The following PXDNL variants were observed in gnomAD, a reference collection of about 807,000 sequenced individuals.
The protein encoded by PXDNL is peroxidasin like, also known as probable oxidoreductase PXDNL.
In PXDNL, 145 loss-of-function variants were observed where a neutral mutation model predicts 150.8. The ratio of observed to expected loss-of-function variants is 0.96; its 90% CI spans 0.84 to 1.10. The LOEUF (loss-of-function observed/expected upper bound fraction) is 1.10, where lower values mean the gene tolerates loss of function less well. Among genes scored for constraint, PXDNL ranks in the 50% least tolerant of loss-of-function variants. The pLI is 0.00. For missense variants in PXDNL, 2,087 were observed against 1,873.9 expected, an observed-to-expected ratio of 1.11 and a Z score of -2.10; for synonymous variants, 757 against 725.7, an observed-to-expected ratio of 1.04 and a Z score of -0.69.
chr8:51,581,215 T>TA (rs1312366670), intron 3 of PXDNL, among the ~76,000 whole-genome samples: 1 of 152,038 alleles, frequency 6.6e-6, no homozygotes, highest in East Asian at 1.9e-4. Context: ...GACCTTGTAT[T>TA]ACCAAACAGC....
At chr8:51,488,741 G>A (rs938125773) in intron 5 of PXDNL, among the ~76,000 whole-genome samples, 2 of 152,142 alleles carry the variant, frequency 1.3e-5, no homozygotes, top group Admixed American at 1.3e-4. Flanking sequence ...CAATTGAAAT[G>A]CTATTAATTT....
chr8:51,523,911 G>A lies in PXDNL; in HGVS notation c.381-24141C>T, dbSNP rs756688615. On this transcript the variant is annotated intron_variant, in intron 4 of 22. Coordinates refer to ENST00000356297, the MANE Select transcript of PXDNL (RefSeq NM_144651.5). ...TCTTTCAGAGATGAAATCAGGGCTGGAAAAGGAAAATCTCCATGATGTTTA... is the reference window on the plus strand; with the variant it reads ...TCTTTCAGAGATGAAATCAGGGCTGAAAAAGGAAAATCTCCATGATGTTTA... Among the ~76,000 whole-genome samples, 155 of 152,234 alleles carry A rather than the reference G, an allele frequency of 1.0e-3. 1 individual carries two copies. The highest frequency in any genetic ancestry group is 4.1e-4 in the South Asian group (2 of 4,826).
chr8:51,490,415 A>G (rs1810862720), intron 5 of PXDNL, among the ~76,000 whole-genome samples: 1 of 152,012 alleles, frequency 6.6e-6, no homozygotes, highest in Non-Finnish European at 1.5e-5. Flanking sequence ...TCTGAGTAAT[A>G]TAAAGATAAT....
chr8:51,723,259 G>C (rs1460015701), intron 1 of PXDNL, among the ~76,000 whole-genome samples: 2 of 152,074 alleles, frequency 1.3e-5, no homozygotes, highest in Non-Finnish European at 2.9e-5. Context: ...AGAGAAAACA[G>C]GAATGTGGTA....
chr8:51,557,285 CTG>C (rs1812619967), intron 3 of PXDNL, among the ~76,000 whole-genome samples: 1 of 152,050 alleles, frequency 6.6e-6, no homozygotes, highest in East Asian at 1.9e-4. Flanking sequence ...AGTTATAAAA[CTG>C]GCAAATACCA....
chr8:51,373,096 C>T (rs934112352), intron 18 of PXDNL, among the ~76,000 whole-genome samples: 6 of 152,258 alleles, frequency 3.9e-5, no homozygotes, highest in Middle Eastern at 3.4e-3. Context: ...CCAGTACCTT[C>T]GAAGGTGACT....
chr8:51,600,584 A>G (rs1039363037), intron 2 of PXDNL, among the ~76,000 whole-genome samples: 6 of 136,126 alleles, frequency 4.4e-5, no homozygotes, highest in Non-Finnish European at 9.2e-5. Flanking sequence ...AATAAATTAT[A>G]TCTTATATAA....
At chr8:51,370,297 A>T (rs1184545214) in intron 19 of PXDNL, among the ~76,000 whole-genome samples, 1 of 152,154 alleles carries the variant, frequency 6.6e-6, no homozygotes, top group East Asian at 1.9e-4. Context: ...GCTTCCTTGC[A>T]GGGCACTGCT....
chr8:51,377,352 G>T (rs1219937366), intron 17 of PXDNL, among the ~76,000 whole-genome samples: 1 of 152,128 alleles, frequency 6.6e-6, no homozygotes, highest in Non-Finnish European at 1.5e-5. Flanking sequence ...CGTGCTGGCA[G>T]CCCTGGCAGC....
At chr8:51,577,913 G>GA (rs1813093716) in intron 3 of PXDNL, among the ~76,000 whole-genome samples, 1 of 108,788 alleles carries the variant, frequency 9.2e-6, no homozygotes, top group East Asian at 2.9e-4. Context: ...GAAAGAGAAA[G>GA]AAAAGAAAGA....
At chr8:51,334,118 T>TA (rs879335596) in intron 21 of PXDNL, among the ~76,000 whole-genome samples, 33,014 of 151,568 alleles carry the variant, frequency 0.22, 3,794 homozygotes, top group Middle Eastern at 0.3. Context: ...ATATCAAGCA[T>TA]TCTCGCAGAC....
chr8:51,565,838 T>TA lies in PXDNL; in HGVS notation c.309-8928dup, dbSNP rs200887566. ...TTATGTATATGCAAATACACCAAAA[T>TA]AAAAAAAAATCCATAATTCAAAGCA... On this transcript the variant is annotated intron_variant, in intron 3 of 22. Coordinates refer to ENST00000356297, the MANE Select transcript of PXDNL (RefSeq NM_144651.5). Among the ~76,000 whole-genome samples the TA allele has an allele frequency of 1.1e-3, 163 of 151,208 alleles. 2 individuals carry two copies. Among genetic ancestry groups the TA allele is most frequent in the Admixed American group, 2.4e-3 (36 of 15,140 alleles).
In PXDNL at chr8:51,433,508, GT is replaced by G. The variant is rs1809313073; in HGVS notation, c.1526-6751del. ...TTTTTGTCCATAATTTCCTTTATTA[GT>G]TAATTTGTAATGTATTTCCTCTTAT... On this transcript the variant is annotated intron_variant, in intron 12 of 22. Coordinates refer to ENST00000356297, the MANE Select transcript of PXDNL (RefSeq NM_144651.5). Among the ~76,000 whole-genome samples the G allele has an allele frequency of 2.0e-5, 3 of 151,992 alleles. No homozygotes were observed. The South Asian group carries it at 6.2e-4, about 32-fold the overall frequency.
At chr8:51,511,473 A>C (rs1811416680) in intron 4 of PXDNL, among the ~76,000 whole-genome samples, 1 of 152,166 alleles carries the variant, frequency 6.6e-6, no homozygotes, top group African/African-American at 2.4e-5. Context: ...GAAACACTGG[A>C]ATGGACAACT....
At chr8:51,352,039 A>G (rs902930533) in intron 19 of PXDNL, among the ~76,000 whole-genome samples, 3 of 152,050 alleles carry the variant, frequency 2.0e-5, no homozygotes, top group African/African-American at 7.2e-5. Flanking sequence ...ACTGAAGAAA[A>G]GGGATGACAT....
At chr8:51,558,065 A>T (rs1369462136) in intron 3 of PXDNL, among the ~76,000 whole-genome samples, 1 of 152,164 alleles carries the variant, frequency 6.6e-6, no homozygotes, top group African/African-American at 2.4e-5. Flanking sequence ...AATATTCTAG[A>T]ACCATGTTTC....
At chr8:51,402,834 G>A (rs867110369) in intron 17 of PXDNL, among the ~76,000 whole-genome samples, 1 of 151,772 alleles carries the variant, frequency 6.6e-6, no homozygotes, top group Admixed American at 6.6e-5. Flanking sequence ...AGGCTGAGGC[G>A]GGTGGATCAC....
intron 4 of PXDNL, among the ~76,000 whole-genome samples, chr8:51,548,714 AT>A (rs1420382690): frequency 6.6e-6 from 1 of 152,202 alleles, no homozygotes. Flanking sequence ...GTACACCAAA[AT>A]AGAACCTCTG....
At chr8:51,771,186 A>C (rs1200856148) in intron 1 of PXDNL, among the ~76,000 whole-genome samples, 1 of 152,212 alleles carries the variant, frequency 6.6e-6, no homozygotes, top group Non-Finnish European at 1.5e-5. Flanking sequence ...GACACAAGAA[A>C]CATTCTGTGC....
Sources: allele counts gnomAD v4.1 joint callset (sites outside exome capture counted in the v4.1 genomes callset), GRCh38; gene constraint gnomAD v4.1.1; transcripts MANE v1.5; gene names NCBI Gene and HGNC (gene_info 2026-07-23, HGNC 2026-07-21).